FRAS1: variants seen among roughly 807,000 people sequenced by gnomAD.
FRAS1 encodes Fraser extracellular matrix complex subunit 1.
Under a neutral mutation model 435.2 loss-of-function variants are expected in FRAS1, and 290 were observed. That is an observed-to-expected ratio of 0.67 (90% CI 0.61 to 0.73). The LOEUF is 0.73. FRAS1 is among the 30% of genes least tolerant of loss of function. The pLI, the probability that FRAS1 is intolerant of heterozygous loss-of-function variation, is 0.00. For synonymous variants in FRAS1, 1,800 were observed against 1,851.0 expected, an observed-to-expected ratio of 0.97 and a Z score of 0.71; for missense variants, 4,860 against 5,001.5, an observed-to-expected ratio of 0.97 and a Z score of 0.85.
At chr4:78,269,791 C>T (rs1401182898) in intron 9 of FRAS1, among the ~76,000 whole-genome samples, 1 of 152,136 alleles carries the variant, frequency 6.6e-6, no homozygotes, top group Admixed American at 6.5e-5. Context: ...AGTCAAATTA[C>T]CTTTTGAAGA....
chr4:78,073,954 A>G (rs1207585332), intron 2 of FRAS1, among the ~76,000 whole-genome samples: 1 of 152,192 alleles, frequency 6.6e-6, no homozygotes, highest in African/African-American at 2.4e-5. Flanking sequence ...TTCTTTTAGC[A>G]ATGATTTCTT....
At chr4:78,342,384 C>T (rs1730427827) in intron 20 of FRAS1, among the ~76,000 whole-genome samples, 1 of 152,156 alleles carries the variant, frequency 6.6e-6, no homozygotes, top group South Asian at 2.1e-4. Context: ...GGGGTTTCTT[C>T]CTCCAAGTCT....
intron 14 of FRAS1, among the ~76,000 whole-genome samples, chr4:78,288,045 G>T (rs1425549936): frequency 1.3e-5 from 2 of 152,166 alleles, no homozygotes; most frequent in African/African-American, 4.8e-5. Context: ...GAATGAATGA[G>T]AATACTACCA....
intron 20 of FRAS1, among the ~76,000 whole-genome samples, chr4:78,356,364 T>A (rs966397664): frequency 6.6e-6 from 1 of 152,132 alleles, no homozygotes; most frequent in African/African-American, 2.4e-5. Context: ...CTCTAACAAC[T>A]GTGTGGGAGC....
At chr4:78,403,875 G>T (rs1269478842) in intron 30 of FRAS1, among the ~76,000 whole-genome samples, 1 of 152,042 alleles carries the variant, frequency 6.6e-6, no homozygotes, top group African/African-American at 2.4e-5. Flanking sequence ...CTAACATAAA[G>T]CATGTTTTAT....
chr4:78,112,680 C>A (rs773383913), intron 2 of FRAS1, among the ~76,000 whole-genome samples: 1 of 151,914 alleles, frequency 6.6e-6, no homozygotes, highest in East Asian at 1.9e-4. Context: ...AATGGCCAAA[C>A]CAAAACAATC....
Position 78,510,786 on chromosome 4 carries a change from G to A in FRAS1, c.9781-488G>A, listed in dbSNP as rs114805460. Among the ~76,000 whole-genome samples the A allele has an allele frequency of 6.5e-3, 997 of 152,294 alleles. 15 individuals are homozygous for A. Among genetic ancestry groups the A allele is most frequent in the African/African-American group, 0.022 (928 of 41,558 alleles). ...TGCATGTTATTATAACCCTTGCAGT[G>A]TGTGGTCACTGGGTAGGGAGATGGG... is the stretch of plus-strand genomic sequence containing the variant. On this transcript the variant is annotated intron_variant, in intron 63 of 73. Transcript: ENST00000512123.
At chr4:78,534,375 G>A in intron 70 of FRAS1, 74 bp from the exon 71 acceptor site, 1 of 1,250,948 alleles carries the variant, frequency 8.0e-7, no homozygotes, top group Non-Finnish European at 1.1e-6. Context: ...GGGTGGGGAA[G>A]GGAGGGTGAC....
At chr4:78,257,457 T>A (rs1725847209) in intron 6 of FRAS1, among the ~76,000 whole-genome samples, 1 of 152,220 alleles carries the variant, frequency 6.6e-6, no homozygotes, top group South Asian at 2.1e-4. Context: ...AACACAAGTT[T>A]ATCAGTACAA....
chr4:78,299,082 C>G (rs1052294095), intron 14 of FRAS1, among the ~76,000 whole-genome samples: 2 of 152,114 alleles, frequency 1.3e-5, no homozygotes, highest in Non-Finnish European at 2.9e-5. Flanking sequence ...AAGGAAGGAG[C>G]CAGCGACGTT....
intron 5 of FRAS1, among the ~76,000 whole-genome samples, chr4:78,254,250 C>T (rs1407185275): frequency 6.6e-6 from 1 of 152,150 alleles, no homozygotes; most frequent in African/African-American, 2.4e-5. Context: ...CTGTATTAGG[C>T]ACTCTCACAA....
At position 78,452,216 on chromosome 4, in the gene FRAS1, G is replaced by C; in HGVS notation, c.6625G>C (p.Val2209Leu). ...AGTCATCACCACCAATAAAGGACTGGTCTTGGATGAAAACTCAGTGAAGAA... is the reference window on the plus strand; with the variant it reads ...AGTCATCACCACCAATAAAGGACTGCTCTTGGATGAAAACTCAGTGAAGAA... ...PPVITTNKGL[V>L]LDENSVKKIT... The change falls in exon 47 of 74, where the codon GTC becomes CTC. Residue 2209 changes from valine to leucine, a missense_variant. Transcript: ENST00000512123. 6.2e-7 allele frequency: 1 copy of C among 1,613,816 alleles called. No homozygotes were observed. Among genetic ancestry groups the C allele is most frequent in the Non-Finnish European group, 8.5e-7 (1 of 1,179,768 alleles).
chr4:78,424,432 T>C lies in FRAS1; in HGVS notation c.4711+12T>C, dbSNP rs903385764. On this transcript the variant is annotated intron_variant, in intron 35 of 73. Coordinates refer to ENST00000512123, the MANE Select transcript of FRAS1 (RefSeq NM_025074.7). The stretch of plus-strand genomic sequence containing the variant: ...ATTCCACTTCACAGGTAAAGATTCA[T>C]CTAAATTTTACTAGAAAGTGAAATT... The C allele has an allele frequency of 1.4e-6, 2 of 1,392,282 alleles. No individual in the cohort carries two copies. Among genetic ancestry groups the C allele is most frequent in the Non-Finnish European group, 1.9e-6 (2 of 1,049,770 alleles). 86.2% of individuals were successfully genotyped at this position (1,392,282 alleles called of 1,614,324 possible).
intron 62 of FRAS1, among the ~76,000 whole-genome samples, chr4:78,507,894 T>C (rs1420488943): frequency 6.6e-6 from 1 of 152,202 alleles, no homozygotes; most frequent in Non-Finnish European, 1.5e-5. Context: ...ACAAAAGTAA[T>C]TATTTGGCAC....
chr4:78,099,146 AG>A lies in FRAS1; in HGVS notation c.108+33137del, dbSNP rs1396326302. Among the ~76,000 whole-genome samples the A allele has an allele frequency of 2.0e-5, 3 of 151,676 alleles. No individual in the cohort carries two copies. The East Asian group carries it at 5.9e-4, about 30-fold the overall frequency. On this transcript the variant is annotated intron_variant, in intron 2 of 73. Transcript: ENST00000512123. ...CCTAGGTCTCAGCTTTAGAGAGGAGAGGGGGGGCCATGGGGTGATCGAGGAA... is the reference window on the plus strand; with the variant it reads ...CCTAGGTCTCAGCTTTAGAGAGGAGAGGGGGGCCATGGGGTGATCGAGGAA...
chr4:78,454,186 A>G lies in FRAS1; in HGVS notation c.6763+1832A>G, dbSNP rs191437510. ...CACGCTGATACATAAAAAAAAAAAA[A>G]AAGGACATTCCAGACAGAGGGATCA... On this transcript the variant is annotated intron_variant, in intron 47 of 73. Coordinates refer to ENST00000512123, the MANE Select transcript of FRAS1 (RefSeq NM_025074.7). 5.8e-4 allele frequency among the ~76,000 whole-genome samples: 88 copies of G among 152,262 alleles called. No individual in the cohort carries two copies. In the East Asian group the frequency reaches 0.016, roughly 28 times the overall value.
rs753263924 is a variant in FRAS1 at position 78,407,792 on chromosome 4, G to A, written c.4259G>A (p.Trp1420Ter). 1.2e-6 allele frequency: 2 copies of A among 1,613,750 alleles called. No homozygotes were observed. Among genetic ancestry groups the A allele is most frequent in the Non-Finnish European group, 1.7e-6 (2 of 1,179,752 alleles). Reference protein sequence around the residue: ...TQQDINEGIVWYRHSGAPAQS... With the variant: ...TQQDINEGIV ...CAGGACATCAATGAAGGCATCGTAT[G>A]GTACAGGCACTCAGGAGCCCCAGCC... The change falls in exon 31 of 74, where the codon TGG becomes TAG. Residue 1420 changes from tryptophan to a stop codon, truncating the protein, a stop_gained. Transcript: ENST00000512123. LOFTEE classifies it high-confidence loss of function.
chr4:78,088,530 C>T (rs1339230347), intron 2 of FRAS1, among the ~76,000 whole-genome samples: 3 of 152,116 alleles, frequency 2.0e-5, no homozygotes, highest in African/African-American at 7.2e-5. Context: ...ACCTACTCAT[C>T]TGACAAAGGG....
chr4:78,436,627 AGAC>A (rs1264821076), intron 38 of FRAS1, among the ~76,000 whole-genome samples: 1 of 152,200 alleles, frequency 6.6e-6, no homozygotes, highest in African/African-American at 2.4e-5. Context: ...GCGAACCTAA[AGAC>A]AGATGAATTA....
Sources: allele counts gnomAD v4.1 joint callset (sites outside exome capture counted in the v4.1 genomes callset), GRCh38; gene constraint gnomAD v4.1.1; transcripts MANE v1.5; gene names NCBI Gene and HGNC (gene_info 2026-07-23, HGNC 2026-07-21).